PLA2G12A: variants seen among roughly 807,000 people sequenced by gnomAD.
The protein encoded by PLA2G12A is phospholipase A2 group XIIA, also known as group XIIA secretory phospholipase A2.
In PLA2G12A, 11 loss-of-function variants were observed where a neutral mutation model predicts 16.0. That is an observed-to-expected ratio of 0.69 (90% CI 0.43 to 1.13). The LOEUF is 1.13. Among genes scored for constraint, PLA2G12A ranks in the 50% most tolerant of loss-of-function variants. The pLI is 0.00. For synonymous variants in PLA2G12A, 77 were observed against 93.8 expected, an observed-to-expected ratio of 0.82 and a Z score of 1.03; for missense variants, 214 against 237.3, an observed-to-expected ratio of 0.90 and a Z score of 0.65.
At chr4:109,729,107 G>A (rs1722993325) in intron 1 of PLA2G12A, among the ~76,000 whole-genome samples, 1 of 152,078 alleles carries the variant, frequency 6.6e-6, no homozygotes, top group Non-Finnish European at 1.5e-5. Flanking sequence ...TACACCAAAA[G>A]TCTGTACAAA....
At chr4:109,725,162 CA>C (rs1722909991) in intron 1 of PLA2G12A, among the ~76,000 whole-genome samples, 1 of 152,020 alleles carries the variant, frequency 6.6e-6, no homozygotes, top group Admixed American at 6.6e-5. Context: ...AATAAATTAC[CA>C]GATTAAAAAA....
At chr4:109,723,771 C>T (rs1561273078) in intron 1 of PLA2G12A, among the ~76,000 whole-genome samples, 1 of 151,944 alleles carries the variant, frequency 6.6e-6, no homozygotes, top group Non-Finnish European at 1.5e-5. Flanking sequence ...GAAAAAAGTA[C>T]AATAAATACA....
At chr4:109,717,834 C>T in intron 2 of PLA2G12A, 121 bp from the exon 3 acceptor site, 1 of 947,918 alleles carries the variant, frequency 1.1e-6, no homozygotes, top group Non-Finnish European at 1.6e-6. Context: ...GTTCCAAAAT[C>T]CATTTCTGCC....
intron 1 of PLA2G12A, 56 bp from the exon 2 acceptor site, chr4:109,718,815 A>G (rs559569788): frequency 1.2e-4 from 142 of 1,231,332 alleles, no homozygotes; most frequent in Middle Eastern, 8.4e-4. Context: ...AGTAAAATAC[A>G]TACTCAAAAA....
chr4:109,715,619 G>A (rs1482900935), intron 3 of PLA2G12A, among the ~76,000 whole-genome samples: 1 of 151,992 alleles, frequency 6.6e-6, no homozygotes, highest in Non-Finnish European at 1.5e-5. Flanking sequence ...CTGAGTAACT[G>A]GGACTATAGG....
At chr4:109,723,099 A>C (rs114041589) in intron 1 of PLA2G12A, among the ~76,000 whole-genome samples, 1 of 152,176 alleles carries the variant, frequency 6.6e-6, no homozygotes, top group African/African-American at 2.4e-5. Flanking sequence ...CTCAGACTGA[A>C]CACTGTAGGG....
chr4:109,723,259 C>G (rs1047394369), intron 1 of PLA2G12A, among the ~76,000 whole-genome samples: 1 of 151,412 alleles, frequency 6.6e-6, no homozygotes, highest in African/African-American at 2.4e-5. Context: ...CTTTTTAATA[C>G]TTACTGCTAG....
chr4:109,720,968 G>C (rs976825237), intron 1 of PLA2G12A, among the ~76,000 whole-genome samples: 1 of 152,138 alleles, frequency 6.6e-6, no homozygotes, highest in East Asian at 1.9e-4. Context: ...CTACTTGGGA[G>C]GCTGAGGCAG....
Position 109,718,758 on chromosome 4 carries a change from T to G in PLA2G12A, c.210A>C (p.Gly70=), listed in dbSNP as rs768560632. The G allele has an allele frequency of 1.2e-5, 18 of 1,563,516 alleles. No individual in the cohort carries two copies. In the Admixed American group the frequency reaches 1.9e-4, roughly 17 times the overall value. ...DGLCQYKCSD[G]SKPFPRYGYK... Reference sequence around the variant, plus strand: ...AACCATAACGTGGGAAAGGCTTAGATCCTATAAAATATAATGGTATCATAA... The same window carrying G: ...AACCATAACGTGGGAAAGGCTTAGAGCCTATAAAATATAATGGTATCATAA... Residue 70 remains glycine, a splice_region_variant and synonymous_variant, in exon 2 of 4, where the codon GGA becomes GGC. Coordinates refer to ENST00000243501, the MANE Select transcript of PLA2G12A (RefSeq NM_030821.5).
intron 3 of PLA2G12A, 24 bp downstream of exon 3, chr4:109,717,524 C>T (rs1223606070): frequency 6.2e-7 from 1 of 1,604,808 alleles, no homozygotes; most frequent in Non-Finnish European, 8.5e-7. Context: ...TACACTCATC[C>T]CCAAGCCACC....
chr4:109,722,550 T>C (rs893837414), intron 1 of PLA2G12A, among the ~76,000 whole-genome samples: 2 of 152,206 alleles, frequency 1.3e-5, no homozygotes, highest in Non-Finnish European at 2.9e-5. Flanking sequence ...AGGTGCCATC[T>C]ATGAACAAGG....
intron 1 of PLA2G12A, among the ~76,000 whole-genome samples, chr4:109,722,152 A>G (rs1334851285): frequency 6.6e-6 from 1 of 152,126 alleles, no homozygotes; most frequent in African/African-American, 2.4e-5. Context: ...AGCCTATGAA[A>G]CCCTGTATAA....
intron 1 of PLA2G12A, among the ~76,000 whole-genome samples, chr4:109,721,531 A>G (rs1730944160): frequency 6.6e-6 from 1 of 152,102 alleles, no homozygotes; most frequent in African/African-American, 2.4e-5. Flanking sequence ...CAGGTTGGCC[A>G]GGCTCGTCTC....
Position 109,729,602 on chromosome 4 carries a change from C to G in PLA2G12A, c.208G>C (p.Gly70Arg), listed in dbSNP as rs1435675345. 1 of 1,606,310 alleles carries G rather than the reference C, an allele frequency of 6.2e-7. No homozygotes were observed. The highest frequency in any genetic ancestry group is 2.2e-5 in the East Asian group (1 of 44,682). ...TCGCTGGGCCCGGGTGCCCCCTCAC[C>G]GTCACTGCATTTATACTGGCAGAGA... is the stretch of plus-strand genomic sequence containing the variant. ...DGLCQYKCSD[G>R]SKPFPRYGYK... Residue 70 changes from glycine (G) to arginine (R), a missense_variant and splice_region_variant, in exon 1 of 4, where the codon GGA becomes CGA. By Grantham distance (125) the Gly-to-Arg change is moderately radical. Coordinates refer to ENST00000243501, the MANE Select transcript of PLA2G12A (RefSeq NM_030821.5).
At chr4:109,716,626 GGTGA>G (rs1730833387) in intron 3 of PLA2G12A, among the ~76,000 whole-genome samples, 2 of 152,072 alleles carry the variant, frequency 1.3e-5, no homozygotes, top group Admixed American at 1.3e-4. Context: ...AACTCTGTGA[GGTGA>G]GTATCATCAT....
In PLA2G12A at chr4:109,711,231, T is replaced by C. The variant is rs1331189269; in HGVS notation, c.*3146A>G. The C allele has an allele frequency of 6.6e-6, 1 of 152,146 alleles. No individual in the cohort carries two copies. Among genetic ancestry groups the C allele is most frequent in the Non-Finnish European group, 1.5e-5 (1 of 68,016 alleles). 9.4% of individuals were successfully genotyped at this position (152,146 alleles called of 1,614,324 possible). Reference sequence around the variant, plus strand: ...ACATAAATAATTATAGATGTGTACATATGCATGGATTAATATACATACATA... The same window carrying C: ...ACATAAATAATTATAGATGTGTACACATGCATGGATTAATATACATACATA... On this transcript the variant is annotated 3_prime_UTR_variant, in exon 4 of 4. Transcript: ENST00000243501.
chr4:109,725,930 T>C (rs1024522993), intron 1 of PLA2G12A, among the ~76,000 whole-genome samples: 1 of 152,196 alleles, frequency 6.6e-6, no homozygotes, highest in Admixed American at 6.5e-5. Context: ...AAGGTCCTTA[T>C]ATTACTTTAT....
At chr4:109,725,826 G>A (rs536655255) in intron 1 of PLA2G12A, among the ~76,000 whole-genome samples, 3 of 152,268 alleles carry the variant, frequency 2.0e-5, no homozygotes, top group South Asian at 4.1e-4. Context: ...AGTCTGCTGG[G>A]TCACACAAAG....
At chr4:109,717,787 TA>T in intron 2 of PLA2G12A, 74 bp from the exon 3 acceptor site, 1 of 1,332,224 alleles carries the variant, frequency 7.5e-7, no homozygotes, top group Non-Finnish European at 1.1e-6. Context: ...TCAAATAGAC[TA>T]AATAGGTATA....
Sources: gnomAD v4.1 joint callset for allele counts (sites outside exome capture counted in the v4.1 genomes callset) on GRCh38, gnomAD v4.1.1 for gene constraint, MANE v1.5 for transcripts, NCBI Gene and HGNC (gene_info 2026-07-23, HGNC 2026-07-21) for gene names.